NREP: variants seen among roughly 807,000 people sequenced by gnomAD.
NREP encodes the protein neuronal regeneration related protein.
In NREP, 5 loss-of-function variants were observed where a neutral mutation model predicts 8.6. The observed-to-expected ratio is 0.58, with a 90% confidence interval of 0.30 to 1.22. The LOEUF is 1.22. Among genes scored for constraint, NREP ranks in the 50% most tolerant of loss-of-function variants. The pLI is 0.07. For synonymous variants in NREP, 27 were observed against 28.0 expected (o/e 0.96, Z 0.11); for missense variants, 86 against 82.5 (o/e 1.04, Z -0.17).
intron 2 of NREP, among the ~76,000 whole-genome samples, chr5:111,810,433 A>C (rs1016871696): frequency 2.2e-4 from 33 of 152,312 alleles, no homozygotes; most frequent in African/African-American, 6.3e-4. Flanking sequence ...TTCCATTTCC[A>C]TAATGCCCAA....
intron 2 of NREP, among the ~76,000 whole-genome samples, chr5:111,737,371 C>T (rs954460298): frequency 2.6e-5 from 4 of 152,012 alleles, no homozygotes; most frequent in Non-Finnish European, 4.4e-5. Context: ...AAAGTGATTA[C>T]ATTTCTATAT....
intron 2 of NREP, among the ~76,000 whole-genome samples, chr5:111,904,593 A>T (rs1232380583): frequency 6.6e-6 from 1 of 151,928 alleles, no homozygotes; most frequent in Non-Finnish European, 1.5e-5. Flanking sequence ...TGATAGTTCA[A>T]TTTTCTTTTT....
At chr5:111,744,286 C>T (rs1481638732) in intron 2 of NREP, among the ~76,000 whole-genome samples, 2 of 152,140 alleles carry the variant, frequency 1.3e-5, no homozygotes, top group African/African-American at 4.8e-5. Flanking sequence ...CATTTAAAAA[C>T]TGGTATCTCT....
intron 2 of NREP, among the ~76,000 whole-genome samples, chr5:111,808,905 T>C (rs906791868): frequency 6.6e-6 from 1 of 152,216 alleles, no homozygotes; most frequent in African/African-American, 2.4e-5. Context: ...ATGTAGTATG[T>C]ACTTAAGAAA....
chr5:111,963,307 G>C (rs1214891790), intron 2 of NREP, among the ~76,000 whole-genome samples: 1 of 152,188 alleles, frequency 6.6e-6, no homozygotes, highest in African/African-American at 2.4e-5. Context: ...AAGTAAATGG[G>C]GCACCCCCAT....
intron 2 of NREP, among the ~76,000 whole-genome samples, chr5:111,869,835 C>G (rs553182579): frequency 1.3e-5 from 2 of 152,146 alleles, no homozygotes; most frequent in South Asian, 2.1e-4. Flanking sequence ...GAGGGACCAG[C>G]CTAAAGTTGA....
intron 2 of NREP, among the ~76,000 whole-genome samples, chr5:111,763,356 ACT>A (rs1751008634): frequency 6.6e-6 from 1 of 152,200 alleles, no homozygotes. Context: ...AACCTACATG[ACT>A]CTATAAAATA....
intron 2 of NREP, among the ~76,000 whole-genome samples, chr5:111,944,519 G>A (rs1755922847): frequency 6.6e-6 from 1 of 152,080 alleles, no homozygotes; most frequent in African/African-American, 2.4e-5. Context: ...TGTTGCCCAA[G>A]GTGGTCTTGA....
At chr5:111,895,378 A>G (rs1754483278) in intron 2 of NREP, among the ~76,000 whole-genome samples, 1 of 152,202 alleles carries the variant, frequency 6.6e-6, no homozygotes, top group African/African-American at 2.4e-5. Context: ...CATGCAGCTG[A>G]CAATCCAAGT....
chr5:111,880,084 A>G (rs968853439), intron 2 of NREP, among the ~76,000 whole-genome samples: 4 of 152,204 alleles, frequency 2.6e-5, no homozygotes, highest in Non-Finnish European at 5.9e-5. Flanking sequence ...TCCAAAATTC[A>G]GAGCATGTAT....
intron 2 of NREP, among the ~76,000 whole-genome samples, chr5:111,850,186 C>T (rs879898956): frequency 3.3e-5 from 5 of 152,130 alleles, no homozygotes; most frequent in Admixed American, 2.0e-4. Flanking sequence ...TGTCTTTGTC[C>T]TTTAGCCACT....
At chr5:111,856,891 T>G (rs1753439188) in intron 2 of NREP, among the ~76,000 whole-genome samples, 1 of 152,188 alleles carries the variant, frequency 6.6e-6, no homozygotes, top group Admixed American at 6.5e-5. Flanking sequence ...GTAGTCATGC[T>G]TTCAACATGC....
At chr5:111,852,422 A>G (rs13156761) in intron 2 of NREP, among the ~76,000 whole-genome samples, 5 of 152,264 alleles carry the variant, frequency 3.3e-5, no homozygotes, top group African/African-American at 1.2e-4. Context: ...AAATACTGGC[A>G]CAGCCTCAAA....
intron 2 of NREP, among the ~76,000 whole-genome samples, chr5:111,786,889 TA>T (rs1751625737): frequency 6.6e-6 from 1 of 152,206 alleles, no homozygotes; most frequent in African/African-American, 2.4e-5. Flanking sequence ...GTGGGCAGAT[TA>T]TTTTTGCCTT....
At chr5:111,786,354 CA>C (rs1053524625) in intron 2 of NREP, among the ~76,000 whole-genome samples, 4 of 152,150 alleles carry the variant, frequency 2.6e-5, no homozygotes, top group African/African-American at 9.7e-5. Flanking sequence ...ATAAATTACC[CA>C]GTCTCAGGCT....
chr5:111,964,162 C>T (rs989938843), intron 2 of NREP, among the ~76,000 whole-genome samples: 3 of 152,016 alleles, frequency 2.0e-5, no homozygotes, highest in African/African-American at 7.3e-5. Flanking sequence ...CTACTTATTC[C>T]CCAAGAATGT....
intron 2 of NREP, among the ~76,000 whole-genome samples, chr5:111,936,605 T>C (rs758890924): frequency 2.0e-5 from 3 of 152,120 alleles, no homozygotes; most frequent in Non-Finnish European, 2.9e-5. Flanking sequence ...ATTCACATTC[T>C]GAGATTCTGA....
At chr5:111,912,809 T>A (rs983415583) in intron 2 of NREP, 8 of 152,260 alleles carry the variant, frequency 5.3e-5, no homozygotes, top group Middle Eastern at 3.4e-3. Context: ...ATGAATAAGT[T>A]AATCAATAAA....
intron 2 of NREP, among the ~76,000 whole-genome samples, chr5:111,816,863 C>G (rs1369527382): frequency 3.3e-5 from 5 of 151,464 alleles, no homozygotes; most frequent in African/African-American, 1.2e-4. Flanking sequence ...TTCACTATAA[C>G]AACCAAAAAT....
Sources: gnomAD v4.1 joint callset for allele counts (sites outside exome capture counted in the v4.1 genomes callset) on GRCh38, gnomAD v4.1.1 for gene constraint, MANE v1.5 for transcripts, NCBI Gene and HGNC (gene_info 2026-07-23, HGNC 2026-07-21) for gene names.